Variants in PSG3 observed in about 807,000 individuals in gnomAD.
PSG3 encodes the protein pregnancy specific beta-1-glycoprotein 3.
PSG3 carries 61 observed loss-of-function variants against 47.5 expected under a neutral mutation model. That is an observed-to-expected ratio of 1.28 (90% confidence interval 1.05 to 1.59). PSG3 has a LOEUF of 1.59. PSG3 is among the 40% of genes most tolerant of loss of function. The pLI, the probability that PSG3 is intolerant of heterozygous loss-of-function variation, is 0.00. For synonymous variants in PSG3, 263 were observed against 198.4 expected (o/e 1.33, Z -2.74); for missense variants, 756 against 524.0 (o/e 1.44, Z -4.32).
chr19:42,730,144 C>T lies in PSG3; in HGVS notation c.710-88G>A, dbSNP rs111898650. ...TTCAATCAGAGTTGGCATCTCCCAC[C>T]TCTCAGCCCACCCGAGTCCTTGAAA... On this transcript the variant is annotated intron_variant, in intron 3 of 6. Coordinates refer to ENST00000327495, the MANE Select transcript of PSG3 (RefSeq NM_021016.4). 6.5e-4 allele frequency: 1,015 copies of T among 1,571,460 alleles called. 7 individuals are homozygous for T. The African/African-American group carries it at 0.011, about 17-fold the overall frequency.
intron 2 of PSG3, chr19:42,733,788 T>C (rs1409678560): frequency 6.6e-6 from 1 of 152,562 alleles, no homozygotes; most frequent in Non-Finnish European, 1.5e-5. Context: ...ACGTTCCCTG[T>C]TCTGGGTCCA....
At position 42,732,890 on chromosome 19, in the gene PSG3, G is replaced by C. The variant is rs770304185; in HGVS notation, c.603C>G (p.Thr201=). The C allele has an allele frequency of 2.5e-6, 4 of 1,614,054 alleles. No individual in the cohort carries two copies. The East Asian group carries it at 8.9e-5, about 36-fold the overall frequency. The part of the protein sequence containing the change: ...HSLQLSKNKR[T]LFLFGVTKYT... The stretch of plus-strand genomic sequence containing the variant: ...ACTTTGTGACACCAAATAGAAAGAG[G>C]GTCCTTTTGTTTTTGGACAACTGCA... Residue 201 remains threonine (T), a synonymous_variant, in exon 3 of 7, where the codon ACC becomes ACG. Coordinates refer to ENST00000327495, the MANE Select transcript of PSG3 (RefSeq NM_021016.4).
chr19:42,734,725 CG>C (rs1423987585), intron 2 of PSG3, among the ~76,000 whole-genome samples: 1 of 152,070 alleles, frequency 6.6e-6, no homozygotes, highest in Non-Finnish European at 1.5e-5. Context: ...GAGAGAGTCC[CG>C]TTAAAAGGAC....
rs1225956956 is a variant in PSG3 at position 42,731,205 on chromosome 19, C to G, written c.710-1149G>C. 2.6e-5 allele frequency among the ~76,000 whole-genome samples: 4 copies of G among 152,176 alleles called. No homozygotes were observed. In the East Asian group the frequency reaches 7.7e-4, roughly 29 times the overall value. On this transcript the variant is annotated intron_variant, in intron 3 of 6. Coordinates refer to ENST00000327495, the MANE Select transcript of PSG3 (RefSeq NM_021016.4). ...TAGAGCTTGATGCCTATAGTTCACACAGATTGAGTATTTCTTATGCATAAG... is the reference window on the plus strand; with the variant it reads ...TAGAGCTTGATGCCTATAGTTCACAGAGATTGAGTATTTCTTATGCATAAG...
chr19:42,732,729 G>A, intron 3 of PSG3, 55 bp downstream of exon 3: 1 of 1,614,130 alleles, frequency 6.2e-7, no homozygotes, highest in Non-Finnish European at 8.5e-7. Context: ...CCTGGCCTCT[G>A]GCCACGTGTA....
chr19:42,738,192 G>A (rs577268967), intron 2 of PSG3, among the ~76,000 whole-genome samples: 1 of 152,312 alleles, frequency 6.6e-6, no homozygotes, highest in Admixed American at 6.5e-5. Flanking sequence ...GCTGAGCCCT[G>A]GCTGGTGAAC....
rs1220723053 is a variant in PSG3, at chr19:42,732,987, C to G, written c.506G>C (p.Cys169Ser). ...REDMEAVSLT[C>S]DPETPDASYL... ...GCTTGCGTCCGGAGTCTCAGGATCA[C>G]AGGTTAAGCTCACAGCCTCCATGTC... Residue 169 changes from cysteine to serine, a missense_variant, in exon 3 of 7, where the codon TGT (cysteine) becomes TCT (serine). Transcript: ENST00000327495. 1.2e-6 allele frequency: 2 copies of G among 1,614,134 alleles called. No individual in the cohort carries two copies. Among genetic ancestry groups the G allele is most frequent in the Non-Finnish European group, 1.7e-6 (2 of 1,180,020 alleles).
At position 42,729,303 on chromosome 19, in the gene PSG3, A is replaced by G. The variant is rs1568748494; in HGVS notation, c.1063T>C (p.Phe355Leu). The G allele has an allele frequency of 6.2e-7, 1 of 1,614,162 alleles. No homozygotes were observed. Among genetic ancestry groups the G allele is most frequent in the Admixed American group, 1.7e-5 (1 of 60,028 alleles). Residue 355 changes from phenylalanine (F) to leucine (L), a missense_variant, in exon 5 of 7, where the codon TTC becomes CTC. Physicochemically the swap from Phe to Leu is conservative, Grantham distance 22. Transcript: ENST00000327495. The part of the protein sequence containing the change: ...HSGENLYLSC[F>L]ADSNPPAEYS... The stretch of plus-strand genomic sequence containing the variant: ...TCTGCTGGTGGGTTAGAGTCCGCGA[A>G]GCAGGACAAGTAGAGGTTTTCTCCT...
chr19:42,739,333 CTG>C (rs1969627432), intron 1 of PSG3: 1 of 670,812 alleles, frequency 1.5e-6, no homozygotes, highest in Admixed American at 3.3e-5. Flanking sequence ...TGGCATTTTT[CTG>C]TTTGGAATCC....
chr19:42,729,353 T>A lies in PSG3; in HGVS notation c.1013A>T (p.Tyr338Phe), dbSNP rs1369939763. 6.2e-7 allele frequency: 1 copy of A among 1,613,832 alleles called. No homozygotes were observed. The highest frequency in any genetic ancestry group is 2.2e-5 in the East Asian group (1 of 44,882). ...TGAATGGTAATAGGTGAATGAAGGG[T>A]AAATTCTGGGGAGGTCTGGACCATC... The part of the protein sequence containing the change: ...VLYGPDLPRI[Y>F]PSFTYYHSGE... Residue 338 changes from tyrosine to phenylalanine, a missense_variant, in exon 5 of 7, where the codon TAC (tyrosine) becomes TTC (phenylalanine). Tyr to Phe is a conservative substitution (Grantham distance 22). Coordinates refer to ENST00000327495, the MANE Select transcript of PSG3 (RefSeq NM_021016.4).
chr19:42,725,313 A>G (rs1969359334), intron 5 of PSG3, among the ~76,000 whole-genome samples: 1 of 152,238 alleles, frequency 6.6e-6, no homozygotes, highest in Non-Finnish European at 1.5e-5. Context: ...ACATTAAAAA[A>G]GAAGAAAGAT....
chr19:42,729,820 A>T lies in PSG3; in HGVS notation c.946T>A (p.Tyr316Asn). Reference protein sequence around the residue: ...GPYQCEIQDRYGGIRSYPVTL... With the variant: ...GPYQCEIQDRNGGIRSYPVTL... ...ACTGGGTAACTGCGGATGCCACCATATCGGTCCTGTATTTCACATTGATAG... is the reference window on the plus strand; with the variant it reads ...ACTGGGTAACTGCGGATGCCACCATTTCGGTCCTGTATTTCACATTGATAG... Residue 316 changes from tyrosine (Y) to asparagine (N), a missense_variant, in exon 4 of 7, where the codon TAT becomes AAT. Tyr to Asn is a moderately radical substitution (Grantham distance 143). Transcript: ENST00000327495. 1 of 1,613,694 alleles carries T rather than the reference A, an allele frequency of 6.2e-7. No homozygotes were observed. Among genetic ancestry groups the T allele is most frequent in the Non-Finnish European group, 8.5e-7 (1 of 1,179,846 alleles).
chr19:42,735,141 T>C (rs866506399), intron 2 of PSG3, among the ~76,000 whole-genome samples: 5 of 152,222 alleles, frequency 3.3e-5, no homozygotes, highest in African/African-American at 4.8e-5. Flanking sequence ...GTGTATCTTA[T>C]AGCCTTTGTA....
In PSG3 at chr19:42,731,158, G is replaced by A. The variant is rs73932792; in HGVS notation, c.710-1102C>T. Among the ~76,000 whole-genome samples the A allele has an allele frequency of 8.5e-3, 1,299 of 152,268 alleles. 21 individuals are homozygous for A. The highest frequency in any genetic ancestry group is 0.03 in the African/African-American group (1,236 of 41,540). On this transcript the variant is annotated intron_variant, in intron 3 of 6. Transcript: ENST00000327495. ...TGGGCAGTTTCAGTTATTCAAGGTG[G>A]GGAGGTTCTAGAGATCTGCTGTAGA...
Position 42,738,798 on chromosome 19 carries a change from G to A in PSG3, c.356C>T (p.Ser119Phe), listed in dbSNP as rs150289595. The change falls in exon 2 of 7, where the codon TCC becomes TTC. Residue 119 changes from serine to phenylalanine, a missense_variant. Transcript: ENST00000327495. ...IQNVTREDAG[S>F]YTLHIVKRGD... ...TCGCTTTACGATGTGTAAGGTGTAG[G>A]ATCCTGCGTCCTCCCGGGTGACATT... 969 of 1,614,006 alleles carry A rather than the reference G, an allele frequency of 6.0e-4. 3 individuals carry two copies. The highest frequency in any genetic ancestry group is 7.7e-4 in the Non-Finnish European group (903 of 1,179,998).
chr19:42,729,421 A>T (rs773751856), intron 4 of PSG3, 44 bp from the exon 5 acceptor site: 1 of 1,581,734 alleles, frequency 6.3e-7, no homozygotes, highest in Non-Finnish European at 8.6e-7. Flanking sequence ...CATCCGAGGG[A>T]AGGGGATGCT....
rs776091208 is a variant in PSG3, at chr19:42,732,941, A to C, written c.552T>G (p.Gly184=). The change falls in exon 3 of 7, where the codon GGT becomes GGG. Residue 184 remains glycine, a synonymous_variant. Coordinates refer to ENST00000327495, the MANE Select transcript of PSG3 (RefSeq NM_021016.4). The stretch of plus-strand genomic sequence containing the variant: ...AGCTGTGAGTCATAGGGAGGCTCTG[A>C]CCATTCATCCACCACAGGTAGCTTG... The part of the protein sequence containing the change: ...PDASYLWWMN[G]QSLPMTHSLQ... 5 of 1,614,118 alleles carry C rather than the reference A, an allele frequency of 3.1e-6. No individual in the cohort carries two copies. The highest frequency in any genetic ancestry group is 1.3e-5 in the African/African-American group (1 of 75,024).
chr19:42,734,686 G>A (rs1969532534), intron 2 of PSG3, among the ~76,000 whole-genome samples: 1 of 152,172 alleles, frequency 6.6e-6, no homozygotes, highest in African/African-American at 2.4e-5. Context: ...GATGCCAAAG[G>A]TGATTTGAAA....
At chr19:42,730,488 C>G (rs1039399652) in intron 3 of PSG3, among the ~76,000 whole-genome samples, 7 of 152,190 alleles carry the variant, frequency 4.6e-5, no homozygotes, top group South Asian at 4.1e-4. Flanking sequence ...CAAGGACATT[C>G]TAGAGATGAG....
Sources: gnomAD v4.1 joint callset for allele counts (sites outside exome capture counted in the v4.1 genomes callset) on GRCh38, gnomAD v4.1.1 for gene constraint, MANE v1.5 for transcripts, NCBI Gene and HGNC (gene_info 2026-07-23, HGNC 2026-07-21) for gene names.